The following PAPPA variants were observed in gnomAD, a reference collection of about 807,000 sequenced individuals.
PAPPA encodes the protein pappalysin-1.
Under a neutral mutation model 164.0 loss-of-function variants are expected in PAPPA, and 60 were observed. The ratio of observed to expected loss-of-function variants is 0.37; its 90% CI spans 0.30 to 0.45. PAPPA has a LOEUF of 0.45. Among genes scored for constraint, PAPPA ranks in the 20% least tolerant of loss-of-function variants. The pLI is 1.00. For synonymous variants in PAPPA, 875 were observed against 814.1 expected, an observed-to-expected ratio of 1.07 and a Z score of -1.27; for missense variants, 1,782 against 2,087.3, an observed-to-expected ratio of 0.85 and a Z score of 2.85.
At chr9:116,329,079 C>T (rs956066833) in intron 10 of PAPPA, among the ~76,000 whole-genome samples, 1 of 152,114 alleles carries the variant, frequency 6.6e-6, no homozygotes, top group Non-Finnish European at 1.5e-5. Flanking sequence ...AAGACCTCCT[C>T]GAAGCCAGAA....
chr9:116,332,337 A>G lies in PAPPA; in HGVS notation c.3266A>G (p.Tyr1089Cys). The G allele has an allele frequency of 6.8e-6, 11 of 1,612,808 alleles. No individual in the cohort carries two copies. The highest frequency in any genetic ancestry group is 9.3e-6 in the Non-Finnish European group (11 of 1,179,098). Residue 1089 changes from tyrosine to cysteine, a missense_variant, in exon 12 of 22, where the codon TAT becomes TGT. Tyr to Cys is a radical substitution (Grantham distance 194). Around this residue, in one of 2 missense-constraint regions of PAPPA, gnomAD observed 1,324 missense variants for 1,656.9 expected, o/e 0.80. Coordinates refer to ENST00000328252, the MANE Select transcript of PAPPA (RefSeq NM_002581.5). ...LAQTTFWLRA[Y>C]FSQPMVAAAV... ...CCTACGTCTTCACAATTTCAGGCGT[A>G]TTTTTCTCAACCAATGGTTGCCGCA...
intron 8 of PAPPA, among the ~76,000 whole-genome samples, chr9:116,269,196 AG>A (rs776967608): frequency 7.2e-5 from 11 of 152,242 alleles, no homozygotes; most frequent in Non-Finnish European, 1.5e-4. Flanking sequence ...CATGTGAGAT[AG>A]GTCTTATTAT....
intron 9 of PAPPA, among the ~76,000 whole-genome samples, chr9:116,298,382 A>G (rs1445437187): frequency 6.6e-6 from 1 of 152,246 alleles, no homozygotes; most frequent in Non-Finnish European, 1.5e-5. Context: ...GACTTTGCTA[A>G]TGGCACCTAC....
intron 8 of PAPPA, among the ~76,000 whole-genome samples, chr9:116,268,614 T>C (rs1845099814): frequency 6.6e-6 from 1 of 152,158 alleles, no homozygotes; most frequent in African/African-American, 2.4e-5. Flanking sequence ...ATAGATGAAT[T>C]GGTTAAACAC....
intron 18 of PAPPA, among the ~76,000 whole-genome samples, chr9:116,366,471 C>T (rs1240682179): frequency 6.6e-6 from 1 of 152,170 alleles, no homozygotes; most frequent in Non-Finnish European, 1.5e-5. Context: ...ATTCACTTAT[C>T]CATTTATGTA....
chr9:116,184,414 C>T (rs1022891151), intron 1 of PAPPA, among the ~76,000 whole-genome samples: 3 of 152,026 alleles, frequency 2.0e-5, no homozygotes, highest in South Asian at 2.1e-4. Flanking sequence ...CTTGATATGT[C>T]GTGCAAGATG....
intron 1 of PAPPA, among the ~76,000 whole-genome samples, chr9:116,156,191 AGAG>A (rs1302226385): frequency 5.3e-5 from 8 of 150,122 alleles, no homozygotes; most frequent in Admixed American, 6.7e-5. Context: ...TTCCCTGGAG[AGAG>A]GAGAGCACAG....
intron 15 of PAPPA, among the ~76,000 whole-genome samples, chr9:116,351,432 T>C (rs1370526578): frequency 6.6e-6 from 1 of 152,172 alleles, no homozygotes; most frequent in Non-Finnish European, 1.5e-5. Flanking sequence ...ACAACACTTT[T>C]ATAGGCACTT....
chr9:116,296,649 A>G (rs1845511928), intron 9 of PAPPA, among the ~76,000 whole-genome samples: 1 of 152,180 alleles, frequency 6.6e-6, no homozygotes, highest in Non-Finnish European at 1.5e-5. Flanking sequence ...CTTGCAAAGG[A>G]GATGCTCTAG....
rs1183350289 is a variant in PAPPA at position 116,399,325 on chromosome 9, C to CTTGA, written c.*2713_*2716dup. On this transcript the variant is annotated 3_prime_UTR_variant, in exon 22 of 22. Transcript: ENST00000328252. ...CAAGGATATTAGGCAAAAGAGGCTA[C>CTTGA]TTGATTGGTGGCCAACCTCGTGCCC... 3.3e-5 allele frequency: 5 copies of CTTGA among 152,662 alleles called. No individual in the cohort carries two copies. The highest frequency in any genetic ancestry group is 1.2e-4 in the African/African-American group (5 of 41,466). 9.5% of individuals were successfully genotyped at this position (152,662 alleles called of 1,614,324 possible).
intron 7 of PAPPA, among the ~76,000 whole-genome samples, chr9:116,241,907 C>G (rs958256864): frequency 3.9e-5 from 6 of 151,964 alleles, no homozygotes; most frequent in Non-Finnish European, 7.4e-5. Flanking sequence ...TTTTATAGCT[C>G]TTTCCGTTTC....
At chr9:116,191,133 G>A (rs1844037849) in intron 2 of PAPPA, among the ~76,000 whole-genome samples, 1 of 152,184 alleles carries the variant, frequency 6.6e-6, no homozygotes, top group Admixed American at 6.5e-5. Context: ...CCTATCCTGT[G>A]GGAAAGTCAC....
intron 7 of PAPPA, among the ~76,000 whole-genome samples, chr9:116,257,333 T>G (rs1420140477): frequency 6.6e-6 from 1 of 151,958 alleles, no homozygotes; most frequent in African/African-American, 2.4e-5. Context: ...TGTAAAAAGT[T>G]TTTTGATCAC....
At chr9:116,185,109 A>T (rs1783800266) in intron 1 of PAPPA, among the ~76,000 whole-genome samples, 1 of 152,208 alleles carries the variant, frequency 6.6e-6, no homozygotes, top group Admixed American at 6.5e-5. Flanking sequence ...GTCATTGGGA[A>T]ATCTAGAATA....
intron 17 of PAPPA, among the ~76,000 whole-genome samples, chr9:116,355,152 A>C (rs966841576): frequency 7.2e-5 from 11 of 151,778 alleles, no homozygotes; most frequent in Non-Finnish European, 1.6e-4. Flanking sequence ...CCACATCCCC[A>C]CACTAGGCTG....
intron 13 of PAPPA, among the ~76,000 whole-genome samples, chr9:116,343,741 T>TTTTATTTTTTTATTTA (rs1846168713): frequency 1.4e-5 from 2 of 142,230 alleles, no homozygotes. Context: ...TACCACTTAT[T>TTTTATTTTTTTATTTA]TTTATTTATT....
chr9:116,154,553 G>T lies in PAPPA; in HGVS notation c.381G>T (p.Ala127=). 7.1e-7 allele frequency: 1 copy of T among 1,407,046 alleles called. No individual in the cohort carries two copies. Among genetic ancestry groups the T allele is most frequent in the Non-Finnish European group, 9.3e-7 (1 of 1,078,462 alleles). The allele number at this position is 1,407,046 out of a possible 1,614,324, so 87.2% of individuals were successfully genotyped here. A position where few individuals can be genotyped will look rare whatever the true frequency, so the allele number is the denominator to read the frequency against. ...TCACGCTGCAAGTGTGGCTGCGAGCGGAGGGGGGCCAGAGGTCTCCGGCAG... is the reference window on the plus strand; with the variant it reads ...TCACGCTGCAAGTGTGGCTGCGAGCTGAGGGGGGCCAGAGGTCTCCGGCAG... The part of the protein sequence containing the change: ...DAFTLQVWLR[A]EGGQRSPAVI... Residue 127 remains alanine (A), a synonymous_variant, in exon 1 of 22, where the codon GCG becomes GCT. Coordinates refer to ENST00000328252, the MANE Select transcript of PAPPA (RefSeq NM_002581.5). This position sits in a 1 kb window ranked among gnomAD's most constrained non-coding sequence, Gnocchi z 5.2.
intron 14 of PAPPA, 71 bp downstream of exon 14, chr9:116,344,782 T>C: frequency 7.3e-7 from 1 of 1,371,668 alleles, no homozygotes; most frequent in South Asian, 1.3e-5. Flanking sequence ...AACCATGTTC[T>C]CTGCTAAATA....
At chr9:116,320,221 G>A (rs574923907) in intron 10 of PAPPA, among the ~76,000 whole-genome samples, 12 of 152,106 alleles carry the variant, frequency 7.9e-5, no homozygotes, top group Non-Finnish European at 1.8e-4. Context: ...CCAGGGGTTT[G>A]CACCCTAAAT....
Sources: allele counts gnomAD v4.1 joint callset (sites outside exome capture counted in the v4.1 genomes callset), GRCh38; gene constraint gnomAD v4.1.1; regional missense constraint gnomAD v4.1.1; non-coding constraint Gnocchi (gnomAD v3.1); transcripts MANE v1.5; gene names NCBI Gene and HGNC (gene_info 2026-07-23, HGNC 2026-07-21).